ROBO1: variants seen among roughly 807,000 people sequenced by gnomAD.
The protein encoded by ROBO1 is roundabout guidance receptor 1.
A neutral mutation model predicts 195.9 loss-of-function variants in ROBO1; 149 were observed. That is an observed-to-expected ratio of 0.76 (90% confidence interval 0.67 to 0.87). ROBO1 has a LOEUF of 0.87. Ranked by LOEUF, ROBO1 falls within the 40% of genes least tolerant of loss-of-function variation. The pLI is 0.00. For missense variants in ROBO1, 1,933 were observed against 2,068.3 expected (o/e 0.93, Z 1.27); for synonymous variants, 816 against 733.2 (o/e 1.11, Z -1.82).
chr3:79,078,570 C>T (rs1004139643), intron 3 of ROBO1, among the ~76,000 whole-genome samples: 1 of 151,582 alleles, frequency 6.6e-6, no homozygotes, highest in Non-Finnish European at 1.5e-5. Flanking sequence ...GCTAGATTTC[C>T]AAGCCATAAT....
chr3:79,398,940 A>G (rs2037256030), intron 2 of ROBO1, among the ~76,000 whole-genome samples: 1 of 151,636 alleles, frequency 6.6e-6, no homozygotes, highest in Non-Finnish European at 1.5e-5. Flanking sequence ...TTTTCACCCC[A>G]CATGATCAAA....
Position 79,660,518 on chromosome 3 carries a change from A to G in ROBO1, c.-50-70557T>C, listed in dbSNP as rs367842502. On this transcript the variant is annotated intron_variant, in intron 1 of 30. Coordinates refer to ENST00000464233, the MANE Select transcript of ROBO1 (RefSeq NM_002941.4). Reference sequence around the variant, plus strand: ...GCCCTGAAGGTGTAGAAGTCATGATATCCAAAGAGGAAACAATTTCACTAG... The same window carrying G: ...GCCCTGAAGGTGTAGAAGTCATGATGTCCAAAGAGGAAACAATTTCACTAG... Among the ~76,000 whole-genome samples, 48 of 152,162 alleles carry G rather than the reference A, an allele frequency of 3.2e-4. No individual in the cohort carries two copies. The East Asian group carries it at 5.9e-3, about 19-fold the overall frequency.
chr3:79,554,914 C>T (rs7617400), intron 2 of ROBO1, among the ~76,000 whole-genome samples: 36,301 of 151,836 alleles, frequency 0.24, 4,910 homozygotes, highest in African/African-American at 0.36. Flanking sequence ...ATCAATCTGG[C>T]GTGTAGAAGA....
intron 1 of ROBO1, among the ~76,000 whole-genome samples, chr3:79,726,032 C>G (rs897518827): frequency 6.6e-6 from 1 of 151,978 alleles, no homozygotes; most frequent in Non-Finnish European, 1.5e-5. Context: ...TAAATTCAAA[C>G]AAGAGTCTGG....
chr3:78,966,022 G>A (rs983332698), intron 3 of ROBO1, among the ~76,000 whole-genome samples: 1 of 152,190 alleles, frequency 6.6e-6, no homozygotes, highest in Non-Finnish European at 1.5e-5. Flanking sequence ...GCAGCAGCCG[G>A]CATTAGCCCC....
chr3:79,665,123 G>A (rs1946438630), intron 1 of ROBO1, among the ~76,000 whole-genome samples: 2 of 151,666 alleles, frequency 1.3e-5, no homozygotes, highest in Admixed American at 1.3e-4. Context: ...TTTTGCATAT[G>A]GTTTAAAGTA....
At chr3:79,446,013 G>T (rs982835554) in intron 2 of ROBO1, among the ~76,000 whole-genome samples, 2 of 151,916 alleles carry the variant, frequency 1.3e-5, no homozygotes, top group African/African-American at 4.8e-5. Context: ...ATCCAGGCTG[G>T]TCTCAAACTC....
rs532203542 is a variant in ROBO1, at chr3:79,687,950, G to A, written c.-51+79802C>T. Among the ~76,000 whole-genome samples the A allele has an allele frequency of 3.0e-3, 454 of 152,114 alleles. 3 individuals are homozygous for A. Among genetic ancestry groups the A allele is most frequent in the Non-Finnish European group, 4.3e-3 (290 of 68,000 alleles). On this transcript the variant is annotated intron_variant, in intron 1 of 30. Coordinates refer to ENST00000464233, the MANE Select transcript of ROBO1 (RefSeq NM_002941.4). ...GTTTCTTGTGGCACTATTCACAATAGCAAAGACTTGGAACCAACCCAAATG... is the reference window on the plus strand; with the variant it reads ...GTTTCTTGTGGCACTATTCACAATAACAAAGACTTGGAACCAACCCAAATG...
chr3:79,408,761 T>C (rs947922969), intron 2 of ROBO1, among the ~76,000 whole-genome samples: 1 of 152,174 alleles, frequency 6.6e-6, no homozygotes, highest in Non-Finnish European at 1.5e-5. Context: ...CTACTAGACT[T>C]ACTTATTTTT....
At chr3:78,931,333 C>T (rs949701527) in intron 4 of ROBO1, among the ~76,000 whole-genome samples, 1 of 149,528 alleles carries the variant, frequency 6.7e-6, no homozygotes, top group Non-Finnish European at 1.5e-5. Flanking sequence ...CTCCGCCTCC[C>T]AGGTTCAAGT....
chr3:79,450,851 A>G (rs1438637731), intron 2 of ROBO1, among the ~76,000 whole-genome samples: 1 of 151,910 alleles, frequency 6.6e-6, no homozygotes, highest in Non-Finnish European at 1.5e-5. Context: ...ACTTTTTCAC[A>G]TTGCAGTAAG....
chr3:78,654,796 CAT>C (rs1257457981), intron 18 of ROBO1, among the ~76,000 whole-genome samples: 4 of 152,166 alleles, frequency 2.6e-5, no homozygotes, highest in Non-Finnish European at 5.9e-5. Context: ...TAAAATTATA[CAT>C]AGTCATTTTC....
chr3:79,245,187 G>A (rs922349709), intron 2 of ROBO1, among the ~76,000 whole-genome samples: 5 of 152,112 alleles, frequency 3.3e-5, no homozygotes, highest in South Asian at 2.1e-4. Flanking sequence ...AGTAAGAAAC[G>A]TTGGTTTTAA....
At chr3:78,951,775 C>T (rs945771802) in intron 3 of ROBO1, among the ~76,000 whole-genome samples, 11 of 151,988 alleles carry the variant, frequency 7.2e-5, no homozygotes, top group Admixed American at 2.6e-4. Flanking sequence ...AAGATATACA[C>T]GTAAGTGCTA....
At chr3:79,070,219 C>G (rs1212906927) in intron 3 of ROBO1, among the ~76,000 whole-genome samples, 1 of 151,864 alleles carries the variant, frequency 6.6e-6, no homozygotes, top group Non-Finnish European at 1.5e-5. Flanking sequence ...TAGTCCCACT[C>G]TGATTTTACC....
At chr3:78,878,387 A>G (rs1000987939) in intron 4 of ROBO1, among the ~76,000 whole-genome samples, 1 of 152,180 alleles carries the variant, frequency 6.6e-6, no homozygotes, top group East Asian at 1.9e-4. Context: ...GGAGTTTGAG[A>G]CCAGCCTGGC....
At chr3:78,867,428 T>C (rs569697887) in intron 4 of ROBO1, among the ~76,000 whole-genome samples, 1 of 152,336 alleles carries the variant, frequency 6.6e-6, no homozygotes, top group Admixed American at 6.5e-5. Flanking sequence ...CCCTTCTATG[T>C]TAAGAAAGGA....
At chr3:78,727,038 TAA>T (rs1263881874) in intron 5 of ROBO1, among the ~76,000 whole-genome samples, 10 of 152,166 alleles carry the variant, frequency 6.6e-5, no homozygotes, top group South Asian at 4.1e-4. Context: ...CAGTTCAGAT[TAA>T]AACATTCATA....
In ROBO1 at chr3:78,609,984, T is replaced by C. The variant is rs1703712458; in HGVS notation, c.4436-2943A>G. On this transcript the variant is annotated intron_variant, in intron 28 of 30. Transcript: ENST00000464233. Reference sequence around the variant, plus strand: ...TAGTTTTGAAAACAGACAGTCTGAGTTGCCATCTTAGTACCTACCAGCTGT... The same window carrying C: ...TAGTTTTGAAAACAGACAGTCTGAGCTGCCATCTTAGTACCTACCAGCTGT... 1.3e-5 allele frequency among the ~76,000 whole-genome samples: 2 copies of C among 152,200 alleles called. 1 individual carries two copies. Among genetic ancestry groups the C allele is most frequent in the South Asian group, 4.1e-4 (2 of 4,832 alleles).
Sources: allele counts gnomAD v4.1 joint callset (sites outside exome capture counted in the v4.1 genomes callset), GRCh38; gene constraint gnomAD v4.1.1; transcripts MANE v1.5; gene names NCBI Gene and HGNC (gene_info 2026-07-23, HGNC 2026-07-21).